Variants in HIVEP1 observed in about 807,000 individuals in gnomAD.
The protein encoded by HIVEP1 is HIVEP zinc finger 1.
HIVEP1 carries 36 observed loss-of-function variants against 180.0 expected under a neutral mutation model. The ratio of observed to expected loss-of-function variants is 0.20; its 90% CI spans 0.15 to 0.26. The LOEUF (loss-of-function observed/expected upper bound fraction) is 0.26, where lower values mean the gene tolerates loss of function less well. Ranked by LOEUF, HIVEP1 falls within the 10% of genes least tolerant of loss-of-function variation. The pLI is 1.00. For synonymous variants in HIVEP1, 1,239 were observed against 1,239.0 expected (o/e 1.00, Z 0.00); for missense variants, 3,143 against 3,268.7 (o/e 0.96, Z 0.94).
At chr6:12,056,724 C>CT (rs1460904591) in intron 2 of HIVEP1, among the ~76,000 whole-genome samples, 1 of 152,094 alleles carries the variant, frequency 6.6e-6, no homozygotes, top group Non-Finnish European at 1.5e-5. Context: ...GGCAATGCTT[C>CT]TGGTAGTTCA....
the HIVEP1 span, among the ~76,000 whole-genome samples, chr6:12,188,368 A>G: frequency 1.3e-5 from 2 of 152,228 alleles, no homozygotes; most frequent in African/African-American, 2.4e-5. Context: ...CAAATCATGA[A>G]TAGATCGATA....
In HIVEP1 at chr6:12,120,231, T is replaced by C. The variant is rs1199309472; in HGVS notation, c.436T>C (p.Trp146Arg). 1.9e-6 allele frequency: 3 copies of C among 1,614,182 alleles called. No homozygotes were observed. Among genetic ancestry groups the C allele is most frequent in the Non-Finnish European group, 2.5e-6 (3 of 1,180,014 alleles). Reference sequence around the variant, plus strand: ...GCAGCAACCATCTGAACTGCGTAGATGGAGATCCGAAGGCGCTGATCCTGC... The same window carrying C: ...GCAGCAACCATCTGAACTGCGTAGACGGAGATCCGAAGGCGCTGATCCTGC... ...FLQQPSELRR[W>R]RSEGADPAKF... Residue 146 changes from tryptophan (W) to arginine (R), a missense_variant, in exon 4 of 9, where the codon TGG (tryptophan) becomes CGG (arginine). Physicochemically the swap from Trp to Arg is moderately radical, Grantham distance 101. Transcript: ENST00000379388.
chr6:12,151,220 G>C (rs1759683225), intron 7 of HIVEP1, among the ~76,000 whole-genome samples: 1 of 152,134 alleles, frequency 6.6e-6, no homozygotes, highest in African/African-American at 2.4e-5. Flanking sequence ...TTAATCTTGT[G>C]CTGATATAAA....
chr6:12,081,314 G>A (rs1415927590), intron 2 of HIVEP1, among the ~76,000 whole-genome samples: 2 of 152,052 alleles, frequency 1.3e-5, no homozygotes, highest in Non-Finnish European at 2.9e-5. Context: ...CTCACACTTG[G>A]TTGGCTCCTG....
chr6:12,079,519 C>A (rs1191782067), intron 2 of HIVEP1, among the ~76,000 whole-genome samples: 1 of 152,158 alleles, frequency 6.6e-6, no homozygotes, highest in Non-Finnish European at 1.5e-5. Context: ...GATGCTGCTG[C>A]TGCCCCTGGT....
the HIVEP1 span, among the ~76,000 whole-genome samples, chr6:12,195,709 C>A: frequency 2.6e-5 from 4 of 152,226 alleles, no homozygotes; most frequent in South Asian, 8.3e-4. Context: ...TGACTCTGAA[C>A]CAACCTGTGT....
rs778371267 is a variant in HIVEP1, at chr6:12,120,557, A to T, written c.762A>T (p.Glu254Asp). The change falls in exon 4 of 9, where the codon GAA becomes GAT. Residue 254 changes from glutamate (E) to aspartate (D), a missense_variant. Transcript: ENST00000379388. ...AGACTTCACAGGAATTGGTTGCTGA[A>T]TCACAGTCTTCTTGTACCTCATACA... Reference protein sequence around the residue: ...PNQTSQELVAESQSSCTSYTV... With the variant: ...PNQTSQELVADSQSSCTSYTV... 6.2e-7 allele frequency: 1 copy of T among 1,614,234 alleles called. No homozygotes were observed. The highest frequency in any genetic ancestry group is 1.3e-5 in the African/African-American group (1 of 75,056).
Position 12,135,807 on chromosome 6 carries a change from C to A in HIVEP1, c.6402C>A (p.His2134Gln). 6.2e-7 allele frequency: 1 copy of A among 1,609,840 alleles called. No homozygotes were observed. The highest frequency in any genetic ancestry group is 8.5e-7 in the Non-Finnish European group (1 of 1,176,464). ...TCCCTTAAGGAAATCTGACAAAACA[C>A]ATGAAGTCCAAGGCACATAGCAAGA... ...SFKTKGNLTK[H>Q]MKSKAHSKKC... The change falls in exon 7 of 9, where the codon CAC becomes CAA. Residue 2134 changes from histidine to glutamine, a missense_variant. Coordinates refer to ENST00000379388, the MANE Select transcript of HIVEP1 (RefSeq NM_002114.4).
the HIVEP1 span, among the ~76,000 whole-genome samples, chr6:12,206,292 C>T: frequency 0.024 from 3,688 of 152,160 alleles, 53 homozygotes; most frequent in Middle Eastern, 0.065. Context: ...CGCCACCACA[C>T]CTGGCTAATT....
rs770850441 is a variant in HIVEP1 at position 12,120,576 on chromosome 6, T to G, written c.781T>G (p.Ser261Ala). The G allele has an allele frequency of 2.2e-5, 35 of 1,614,032 alleles. No homozygotes were observed. The highest frequency in any genetic ancestry group is 2.9e-5 in the Non-Finnish European group (34 of 1,180,026). The stretch of plus-strand genomic sequence containing the variant: ...TGCTGAATCACAGTCTTCTTGTACC[T>G]CATACACAGTCCATATGTCTGCTGC... ...LVAESQSSCT[S>A]YTVHMSAAQK... Residue 261 changes from serine (S) to alanine (A), a missense_variant, in exon 4 of 9, where the codon TCA becomes GCA. Coordinates refer to ENST00000379388, the MANE Select transcript of HIVEP1 (RefSeq NM_002114.4).
chr6:12,168,110 T>C (rs1760788145), downstream of HIVEP1, among the ~76,000 whole-genome samples: 1 of 6,312 alleles, frequency 1.6e-4, no homozygotes, highest in East Asian at 4.3e-3. Flanking sequence ...CGTATATATG[T>C]ATATTATATA....
intron 1 of HIVEP1, among the ~76,000 whole-genome samples, chr6:12,013,471 A>G (rs1456835557): frequency 6.6e-6 from 1 of 152,226 alleles, no homozygotes. Flanking sequence ...TGGGATGGAC[A>G]GCTAGGGACA....
chr6:12,190,449 G>A, the HIVEP1 span, among the ~76,000 whole-genome samples: 4 of 151,994 alleles, frequency 2.6e-5, no homozygotes, highest in African/African-American at 9.7e-5. Context: ...CAACTCTATT[G>A]ACCTTCTCTC....
chr6:12,159,106 C>CAAG (rs1760240325), intron 7 of HIVEP1, among the ~76,000 whole-genome samples: 4 of 152,046 alleles, frequency 2.6e-5, no homozygotes, highest in Non-Finnish European at 5.9e-5. Context: ...GCTTGTGTCT[C>CAAG]CTTAGATTTT....
intron 3 of HIVEP1, among the ~76,000 whole-genome samples, chr6:12,107,455 G>A (rs557390957): frequency 1.3e-5 from 2 of 152,284 alleles, no homozygotes; most frequent in East Asian, 1.9e-4. Flanking sequence ...CTAAAGGTTG[G>A]GTGGCTGTTG....
At chr6:12,011,513 G>A (rs943292642), upstream of HIVEP1, among the ~76,000 whole-genome samples, 6 of 149,716 alleles carry the variant, frequency 4.0e-5, no homozygotes, top group African/African-American at 1.5e-4. Flanking sequence ...CCCGCCGTGT[G>A]CTGGTTCCCC....
Position 12,122,471 on chromosome 6 carries a change from T to A in HIVEP1, c.2676T>A (p.His892Gln), listed in dbSNP as rs762921165. The change falls in exon 4 of 9, where the codon CAT (histidine) becomes CAA (glutamine). Residue 892 changes from histidine (H) to glutamine (Q), a missense_variant. By Grantham distance (24) the His-to-Gln change is conservative. Transcript: ENST00000379388. ...ACGCTCCTGTGCCCCAGAGTGGGCA[T>A]CCCCGTACACTTGTGAGACAAGCAG... Reference protein sequence around the residue: ...GPNAPVPQSGHPRTLVRQAAI... With the variant: ...GPNAPVPQSGQPRTLVRQAAI... The A allele has an allele frequency of 1.9e-5, 31 of 1,614,086 alleles. No homozygotes were observed. Among genetic ancestry groups the A allele is most frequent in the Non-Finnish European group, 2.6e-5 (31 of 1,180,044 alleles).
At chr6:12,030,078 A>G (rs1247918595) in intron 2 of HIVEP1, among the ~76,000 whole-genome samples, 1 of 152,066 alleles carries the variant, frequency 6.6e-6, no homozygotes, top group South Asian at 2.1e-4. Flanking sequence ...TTCTTGGTTG[A>G]TAGGGTTTTG....
Position 12,163,990 on chromosome 6 carries a change from C to T in HIVEP1, c.7686C>T (p.Ala2562=), listed in dbSNP as rs372967941. 1.4e-5 allele frequency: 22 copies of T among 1,613,948 alleles called. No homozygotes were observed. The highest frequency in any genetic ancestry group is 1.2e-4 in the African/African-American group (9 of 74,894). The change falls in exon 9 of 9, where the codon GCC becomes GCT. Residue 2562 remains alanine, a synonymous_variant. Transcript: ENST00000379388. ...PTLIPSVSQV[A]VDAQGAPEMP... ...TAATCCCCTCAGTCAGTCAAGTAGC[C>T]GTTGATGCACAGGGAGCTCCAGAAA... is the stretch of plus-strand genomic sequence containing the variant.
Sources: gnomAD v4.1 joint callset for allele counts (sites outside exome capture counted in the v4.1 genomes callset) on GRCh38, gnomAD v4.1.1 for gene constraint, MANE v1.5 for transcripts, NCBI Gene and HGNC (gene_info 2026-07-23, HGNC 2026-07-21) for gene names.